The following SNTG1 variants were observed in gnomAD, a reference collection of about 807,000 sequenced individuals.
SNTG1 encodes the protein gamma-1-syntrophin.
Under a neutral mutation model 74.7 loss-of-function variants are expected in SNTG1, and 39 were observed. The observed-to-expected ratio is 0.52, with a 90% confidence interval of 0.40 to 0.68. The LOEUF is 0.68. SNTG1 is among the 30% of genes least tolerant of loss of function. The pLI, the probability that SNTG1 is intolerant of heterozygous loss-of-function variation, is 0.00. For missense variants in SNTG1, 685 were observed against 609.5 expected (o/e 1.12, Z -1.30); for synonymous variants, 254 against 217.1 (o/e 1.17, Z -1.49).
At chr8:50,780,600 C>A (rs1472490930) in intron 18 of SNTG1, among the ~76,000 whole-genome samples, 1 of 152,082 alleles carries the variant, frequency 6.6e-6, no homozygotes, top group African/African-American at 2.4e-5. Flanking sequence ...CTCTTTTCTT[C>A]TTTATTAGCC....
intron 8 of SNTG1, among the ~76,000 whole-genome samples, chr8:50,464,010 T>A (rs1275723817): frequency 2.1e-4 from 32 of 152,212 alleles, no homozygotes. Context: ...GCTTCTTTCC[T>A]TAAACCTCAT....
chr8:49,993,199 G>A (rs1813850712), intron 1 of SNTG1, among the ~76,000 whole-genome samples: 2 of 152,086 alleles, frequency 1.3e-5, no homozygotes, highest in Non-Finnish European at 1.5e-5. Context: ...ACATGCATGG[G>A]AGTACTGGCA....
chr8:49,919,312 G>A (rs1314711272), intron 1 of SNTG1, among the ~76,000 whole-genome samples: 1 of 152,082 alleles, frequency 6.6e-6, no homozygotes, highest in Admixed American at 6.6e-5. Flanking sequence ...CACACTGATT[G>A]AGGGGTATTA....
chr8:50,575,233 C>T (rs979274162), intron 12 of SNTG1, among the ~76,000 whole-genome samples: 3 of 152,040 alleles, frequency 2.0e-5, no homozygotes, highest in African/African-American at 4.8e-5. Flanking sequence ...TTTTCAAGTT[C>T]GTTTATGGGG....
At chr8:50,209,291 G>A (rs2084395747) in intron 2 of SNTG1, among the ~76,000 whole-genome samples, 1 of 152,104 alleles carries the variant, frequency 6.6e-6, no homozygotes, top group Non-Finnish European at 1.5e-5. Flanking sequence ...CTCCACCTCT[G>A]GGGGCAGGGC....
chr8:50,697,481 A>G (rs897129725), intron 15 of SNTG1, among the ~76,000 whole-genome samples: 1 of 152,170 alleles, frequency 6.6e-6, no homozygotes, highest in African/African-American at 2.4e-5. Flanking sequence ...GAGTGGTAAG[A>G]GTGGACAACC....
intron 18 of SNTG1, among the ~76,000 whole-genome samples, chr8:50,776,020 A>T (rs2095639786): frequency 6.6e-6 from 1 of 151,538 alleles, no homozygotes; most frequent in South Asian, 2.1e-4. Flanking sequence ...GATAGCATAT[A>T]TTTGGGTCAT....
At chr8:50,495,478 T>C (rs2093895480) in intron 8 of SNTG1, among the ~76,000 whole-genome samples, 1 of 150,846 alleles carries the variant, frequency 6.6e-6, no homozygotes, top group Non-Finnish European at 1.5e-5. Flanking sequence ...TTTTTTTTTT[T>C]TGAGTTATTT....
intron 15 of SNTG1, among the ~76,000 whole-genome samples, chr8:50,687,351 A>G (rs79400647): frequency 0.022 from 3,296 of 152,282 alleles, 102 homozygotes; most frequent in African/African-American, 0.071. Flanking sequence ...TCTCCAATAA[A>G]TGAATGAATG....
chr8:50,692,407 G>A lies in SNTG1; in HGVS notation c.1039-12193G>A, dbSNP rs192057384. 7.2e-5 allele frequency among the ~76,000 whole-genome samples: 11 copies of A among 152,098 alleles called. No individual in the cohort carries two copies. In the East Asian group the frequency reaches 1.9e-3, roughly 27 times the overall value. ...TATCTACCTTTGGTCTTTGATGATG[G>A]TGACATACAGATGGGTTTTTGGTGT... On this transcript the variant is annotated intron_variant, in intron 15 of 18. Transcript: ENST00000642720.
At chr8:50,328,801 T>C (rs1322303548) in intron 2 of SNTG1, among the ~76,000 whole-genome samples, 2 of 152,292 alleles carry the variant, frequency 1.3e-5, no homozygotes, top group African/African-American at 2.4e-5. Context: ...CAAAACACAA[T>C]CATACCTTCC....
chr8:50,703,346 A>T (rs2095432691), intron 15 of SNTG1, among the ~76,000 whole-genome samples: 1 of 143,756 alleles, frequency 7.0e-6, no homozygotes, highest in African/African-American at 2.6e-5. Context: ...TATAAAAAAT[A>T]AGACAGAAAC....
At chr8:50,276,392 TATATATA>T (rs1439568339) in intron 2 of SNTG1, among the ~76,000 whole-genome samples, 1 of 39,958 alleles carries the variant, frequency 2.5e-5, no homozygotes, top group Non-Finnish European at 1.0e-4. Flanking sequence ...TATATATATA[TATATATA>T]TATATATATA....
intron 1 of SNTG1, among the ~76,000 whole-genome samples, chr8:50,109,653 G>T (rs1343167763): frequency 6.6e-6 from 1 of 152,160 alleles, no homozygotes; most frequent in Non-Finnish European, 1.5e-5. Flanking sequence ...GGAAGTCCAG[G>T]TGTTATCAGG....
chr8:50,141,928 T>A (rs1471982564), intron 1 of SNTG1, among the ~76,000 whole-genome samples: 1 of 152,116 alleles, frequency 6.6e-6, no homozygotes, highest in Non-Finnish European at 1.5e-5. Context: ...TTATTTGTCA[T>A]CCTTTACAAT....
chr8:50,423,736 T>A, intron 4 of SNTG1, among the ~76,000 whole-genome samples: 1 of 151,148 alleles, frequency 6.6e-6, no homozygotes, highest in South Asian at 2.1e-4. Context: ...ACAAAGAAAA[T>A]GGAAAAGAAG....
chr8:49,970,982 C>A (rs968236795), intron 1 of SNTG1, among the ~76,000 whole-genome samples: 1 of 152,102 alleles, frequency 6.6e-6, no homozygotes, highest in African/African-American at 2.4e-5. Flanking sequence ...CTATTCCAAT[C>A]AATAGAAAAA....
intron 2 of SNTG1, among the ~76,000 whole-genome samples, chr8:50,387,937 G>C (rs993005213): frequency 3.9e-5 from 6 of 152,240 alleles, no homozygotes; most frequent in Non-Finnish European, 7.3e-5. Context: ...ACTGAGCTCA[G>C]CTTCATCACA....
intron 4 of SNTG1, among the ~76,000 whole-genome samples, chr8:50,433,380 T>C (rs2093263174): frequency 2.0e-5 from 3 of 152,240 alleles, no homozygotes; most frequent in Non-Finnish European, 4.4e-5. Flanking sequence ...AGATATTGAA[T>C]GGCAATGGTG....
Sources: gnomAD v4.1 joint callset for allele counts (sites outside exome capture counted in the v4.1 genomes callset) on GRCh38, gnomAD v4.1.1 for gene constraint, MANE v1.5 for transcripts, NCBI Gene and HGNC (gene_info 2026-07-23, HGNC 2026-07-21) for gene names.